WIPF2: variants seen among roughly 807,000 people sequenced by gnomAD.
WIPF2 encodes the protein WAS/WASL interacting protein family member 2.
A neutral mutation model predicts 38.8 loss-of-function variants in WIPF2; 23 were observed. The ratio of observed to expected loss-of-function variants is 0.59; its 90% confidence interval spans 0.43 to 0.84. The LOEUF (loss-of-function observed/expected upper bound fraction) is 0.84. WIPF2 is among the 40% of genes least tolerant of loss of function. The pLI is 0.00. For synonymous variants in WIPF2, 210 were observed against 223.2 expected (o/e 0.94, Z 0.53); for missense variants, 574 against 580.5 (o/e 0.99, Z 0.11).
intron 2 of WIPF2, among the ~76,000 whole-genome samples, chr17:40,259,046 A>T (rs998948344): frequency 2.8e-5 from 4 of 142,804 alleles, no homozygotes; most frequent in African/African-American, 1.0e-4. Context: ...AAAAAAGATA[A>T]GTTTTTTTTT....
chr17:40,262,480 AG>A, intron 3 of WIPF2, 44 bp from the exon 4 acceptor site: 1 of 1,482,930 alleles, frequency 6.7e-7, no homozygotes, highest in Non-Finnish European at 9.4e-7. Context: ...CTTGGTCACC[AG>A]CTGAGAGCAT....
intron 1 of WIPF2, among the ~76,000 whole-genome samples, chr17:40,252,833 G>A (rs916038079): frequency 1.3e-5 from 2 of 150,806 alleles, no homozygotes; most frequent in African/African-American, 4.9e-5. Flanking sequence ...GCGCGATCTC[G>A]GCTCACCACA....
intron 2 of WIPF2, among the ~76,000 whole-genome samples, chr17:40,258,444 T>C (rs1255139386): frequency 4.6e-5 from 7 of 151,942 alleles, no homozygotes; most frequent in African/African-American, 1.5e-4. Flanking sequence ...ATACAAAAAT[T>C]AGCTGTGCAT....
At chr17:40,270,087 C>T (rs888428112) in intron 5 of WIPF2, among the ~76,000 whole-genome samples, 5 of 151,224 alleles carry the variant, frequency 3.3e-5, no homozygotes, top group East Asian at 2.0e-4. Context: ...GATCTGGGGC[C>T]GGGTGCGGTG....
At chr17:40,270,315 G>A (rs1056663026) in intron 5 of WIPF2, among the ~76,000 whole-genome samples, 85 of 149,234 alleles carry the variant, frequency 5.7e-4, no homozygotes, top group African/African-American at 2.1e-3. Context: ...GCAGTAAGCC[G>A]AGATCGTGCC....
intron 1 of WIPF2, among the ~76,000 whole-genome samples, chr17:40,247,633 T>C (rs1301444611): frequency 6.6e-6 from 1 of 151,508 alleles, no homozygotes; most frequent in African/African-American, 2.4e-5. Context: ...GTGATTCTCG[T>C]GCCTCAGCCT....
intron 5 of WIPF2, among the ~76,000 whole-genome samples, chr17:40,272,802 GA>G (rs917314696): frequency 1.3e-5 from 2 of 152,200 alleles, no homozygotes; most frequent in Non-Finnish European, 2.9e-5. Context: ...TGGGAACCCA[GA>G]AGGAGGAACT....
chr17:40,246,869 T>C (rs896159180), intron 1 of WIPF2, among the ~76,000 whole-genome samples: 14 of 150,114 alleles, frequency 9.3e-5, no homozygotes, highest in Non-Finnish European at 1.3e-4. Context: ...TCCCAGACTT[T>C]GGGAGGCCGA....
At chr17:40,230,645 A>T (rs1444551782) in intron 1 of WIPF2, among the ~76,000 whole-genome samples, 1 of 152,306 alleles carries the variant, frequency 6.6e-6, no homozygotes, top group Non-Finnish European at 1.5e-5. Context: ...CAATTTTTAG[A>T]TTATGGGGGA....
intron 1 of WIPF2, among the ~76,000 whole-genome samples, chr17:40,229,933 A>G (rs982640218): frequency 6.6e-6 from 1 of 152,092 alleles, no homozygotes; most frequent in Admixed American, 6.6e-5. Flanking sequence ...CTGAGGAGGG[A>G]AAGAATGTTT....
chr17:40,272,759 G>A (rs1025443080), intron 5 of WIPF2, among the ~76,000 whole-genome samples: 2 of 152,210 alleles, frequency 1.3e-5, no homozygotes, highest in African/African-American at 4.8e-5. Flanking sequence ...CATTGATTGA[G>A]CACCTGCTGT....
chr17:40,246,825 T>G (rs2031382155), intron 1 of WIPF2, among the ~76,000 whole-genome samples: 1 of 152,018 alleles, frequency 6.6e-6, no homozygotes, highest in Admixed American at 6.6e-5. Context: ...TAAGAACTCA[T>G]TTGTTGGCCG....
intron 1 of WIPF2, among the ~76,000 whole-genome samples, chr17:40,235,937 T>A (rs777521694): frequency 2.0e-4 from 30 of 151,558 alleles, no homozygotes; most frequent in Non-Finnish European, 3.2e-4. Flanking sequence ...TCCTTCACAC[T>A]TGGCAGTTTG....
chr17:40,220,776 G>T (rs1025427600), intron 1 of WIPF2, among the ~76,000 whole-genome samples: 4 of 125,946 alleles, frequency 3.2e-5, no homozygotes, highest in Admixed American at 2.5e-4. Context: ...CCCAGAATTC[G>T]TTTTTTTTTT....
rs1193614788 is a variant in WIPF2, at chr17:40,247,518, C to CTT, written c.-69-8862_-69-8861dup. Among the ~76,000 whole-genome samples, 158 of 135,192 alleles carry CTT rather than the reference C, an allele frequency of 1.2e-3. 1 individual carries two copies. Among genetic ancestry groups the CTT allele is most frequent in the African/African-American group, 3.6e-3 (133 of 36,794 alleles). The allele number at this position is 135,192 out of a possible 152,430, so 88.7% of individuals were successfully genotyped here. On this transcript the variant is annotated intron_variant, in intron 1 of 7. Transcript: ENST00000323571. ...ACGGGCGTGAGCCAACGCGCCTGGC[C>CTT]TTTTTTTTTTTTACTTTTTTTGAGA...
intron 1 of WIPF2, among the ~76,000 whole-genome samples, chr17:40,239,046 T>TTTAA (rs1555560742): frequency 7.2e-6 from 1 of 138,762 alleles, no homozygotes; most frequent in Non-Finnish European, 1.5e-5. Context: ...GTTTATTTTA[T>TTTAA]TTTATTTATT....
intron 1 of WIPF2, among the ~76,000 whole-genome samples, chr17:40,221,061 C>T (rs1397318376): frequency 6.6e-6 from 1 of 151,872 alleles, no homozygotes; most frequent in Non-Finnish European, 1.5e-5. Flanking sequence ...GGATTAGAGG[C>T]GTGAGCCCCT....
intron 1 of WIPF2, among the ~76,000 whole-genome samples, chr17:40,250,182 A>G (rs1258536550): frequency 8.2e-6 from 1 of 122,624 alleles, no homozygotes; most frequent in East Asian, 2.7e-4. Context: ...TTTTTAAGAT[A>G]TTGACTCCTG....
At chr17:40,263,923 AAC>A (rs1174917311) in intron 4 of WIPF2, among the ~76,000 whole-genome samples, 1 of 152,202 alleles carries the variant, frequency 6.6e-6, no homozygotes, top group Non-Finnish European at 1.5e-5. Flanking sequence ...ATCATTCCAC[AAC>A]GTATACATAT....
Sources: allele counts gnomAD v4.1 joint callset (sites outside exome capture counted in the v4.1 genomes callset), GRCh38; gene constraint gnomAD v4.1.1; transcripts MANE v1.5; gene names NCBI Gene and HGNC (gene_info 2026-07-23, HGNC 2026-07-21).